The following SLC39A11 variants were observed in gnomAD, a reference collection of about 807,000 sequenced individuals.
SLC39A11 encodes zinc transporter ZIP11.
In SLC39A11, 33 loss-of-function variants were observed where a neutral mutation model predicts 36.1. That is an observed-to-expected ratio of 0.91 (90% CI 0.69 to 1.22). The LOEUF is 1.22. Ranked by LOEUF, SLC39A11 falls within the 50% of genes most tolerant of loss-of-function variation. The pLI, the probability that SLC39A11 is intolerant of heterozygous loss-of-function variation, is 0.00. For missense variants in SLC39A11, 432 were observed against 430.3 expected (o/e 1.00, Z -0.03); for synonymous variants, 166 against 170.3 (o/e 0.97, Z 0.20).
intron 5 of SLC39A11, among the ~76,000 whole-genome samples, chr17:72,911,890 C>A (rs1056720200): frequency 2.6e-5 from 4 of 152,136 alleles, no homozygotes; most frequent in African/African-American, 9.7e-5. Context: ...GTGATCTGCC[C>A]GCCTTGGCCT....
intron 5 of SLC39A11, among the ~76,000 whole-genome samples, chr17:72,851,502 G>A (rs561362986): frequency 1.3e-5 from 2 of 152,348 alleles, no homozygotes; most frequent in East Asian, 3.9e-4. Context: ...TCAGGTGTCT[G>A]TTAAATTAAA....
chr17:73,005,843 C>G (rs183008845), intron 4 of SLC39A11, among the ~76,000 whole-genome samples: 1 of 151,906 alleles, frequency 6.6e-6, no homozygotes, highest in Admixed American at 6.6e-5. Context: ...CCCAGCTACT[C>G]GGGAGTCTAA....
At chr17:72,828,498 T>TTG (rs2078126272) in intron 6 of SLC39A11, among the ~76,000 whole-genome samples, 2 of 152,182 alleles carry the variant, frequency 1.3e-5, no homozygotes, top group Admixed American at 1.3e-4. Flanking sequence ...AGAGGGGTAT[T>TTG]TGTCTCAAGC....
chr17:72,769,089 A>G (rs954998693), intron 6 of SLC39A11, among the ~76,000 whole-genome samples: 2 of 152,114 alleles, frequency 1.3e-5, no homozygotes, highest in African/African-American at 4.8e-5. Flanking sequence ...CACATTTAAC[A>G]AACGACTTCC....
intron 3 of SLC39A11, among the ~76,000 whole-genome samples, chr17:73,063,234 G>C (rs574151548): frequency 6.6e-6 from 1 of 152,172 alleles, no homozygotes; most frequent in Non-Finnish European, 1.5e-5. Context: ...GAAGGTAACT[G>C]AATCAATTGG....
intron 6 of SLC39A11, among the ~76,000 whole-genome samples, chr17:72,772,947 A>C (rs983829898): frequency 6.6e-6 from 1 of 152,190 alleles, no homozygotes; most frequent in Middle Eastern, 3.4e-3. Flanking sequence ...TTAGCTGGGC[A>C]TGGTGGCGAG....
chr17:72,756,050 C>T (rs1014387015), intron 6 of SLC39A11, among the ~76,000 whole-genome samples: 3 of 152,202 alleles, frequency 2.0e-5, no homozygotes, highest in Non-Finnish European at 4.4e-5. Flanking sequence ...AAAAACATAA[C>T]AGTGTTGGCA....
At chr17:73,029,643 A>G (rs1329484798) in intron 4 of SLC39A11, among the ~76,000 whole-genome samples, 2 of 151,408 alleles carry the variant, frequency 1.3e-5, no homozygotes, top group African/African-American at 4.9e-5. Flanking sequence ...GTGCAGTGGC[A>G]CCATCTCGGC....
chr17:73,013,451 A>G (rs2090635724), intron 4 of SLC39A11, among the ~76,000 whole-genome samples: 2 of 152,230 alleles, frequency 1.3e-5, no homozygotes, highest in African/African-American at 4.8e-5. Flanking sequence ...TTCTGTGTTC[A>G]ATCACAACCA....
chr17:73,055,343 G>A (rs1211526658), intron 3 of SLC39A11, among the ~76,000 whole-genome samples: 1 of 152,172 alleles, frequency 6.6e-6, no homozygotes, highest in African/African-American at 2.4e-5. Flanking sequence ...GTTTAAGCCT[G>A]AGGATGTCTG....
In SLC39A11 at chr17:72,815,311, G is replaced by A. The variant is rs1004590214; in HGVS notation, c.601+34323C>T. On this transcript the variant is annotated intron_variant, in intron 6 of 9. Coordinates refer to ENST00000255559, the MANE Select transcript of SLC39A11 (RefSeq NM_139177.4). ...TGTTATGATTTCACCCTACAGACTCGGAAAGCTCCAGAAAGAATGCAGGAG... is the reference window on the plus strand; with the variant it reads ...TGTTATGATTTCACCCTACAGACTCAGAAAGCTCCAGAAAGAATGCAGGAG... Among the ~76,000 whole-genome samples, 23 of 152,176 alleles carry A rather than the reference G, an allele frequency of 1.5e-4. 1 individual carries two copies. The highest frequency in any genetic ancestry group is 6.5e-4 in the Admixed American group (10 of 15,274).
chr17:73,045,947 G>A (rs965825169), intron 3 of SLC39A11, among the ~76,000 whole-genome samples: 4 of 152,112 alleles, frequency 2.6e-5, no homozygotes, highest in Non-Finnish European at 5.9e-5. Context: ...GATGGGCATC[G>A]CACCAGCTGC....
At chr17:72,763,392 C>G (rs1346403102) in intron 6 of SLC39A11, among the ~76,000 whole-genome samples, 1 of 152,210 alleles carries the variant, frequency 6.6e-6, no homozygotes, top group Admixed American at 6.5e-5. Context: ...AAATACTCTT[C>G]AAGACCCAGA....
chr17:72,786,556 A>G (rs959893179), intron 6 of SLC39A11, among the ~76,000 whole-genome samples: 41 of 152,218 alleles, frequency 2.7e-4, no homozygotes, highest in African/African-American at 9.6e-4. Flanking sequence ...AAAGCAGAAG[A>G]TATCTGGATG....
intron 7 of SLC39A11, among the ~76,000 whole-genome samples, chr17:72,735,160 A>AT (rs2074372072): frequency 6.6e-6 from 1 of 152,208 alleles, no homozygotes; most frequent in African/African-American, 2.4e-5. Context: ...GAAGTTGAGA[A>AT]TAAGAAAAGT....
At chr17:72,762,461 G>A (rs2075622214) in intron 6 of SLC39A11, among the ~76,000 whole-genome samples, 1 of 152,156 alleles carries the variant, frequency 6.6e-6, no homozygotes, top group Non-Finnish European at 1.5e-5. Context: ...TCAGTTCTGG[G>A]AATTGCCCAC....
intron 6 of SLC39A11, among the ~76,000 whole-genome samples, chr17:72,778,379 C>T (rs16977387): frequency 0.037 from 5,568 of 152,308 alleles, 323 homozygotes; most frequent in African/African-American, 0.12. Context: ...CTCTCCTGTT[C>T]GGCCGGCACA....
At chr17:73,031,776 C>T in intron 3 of SLC39A11, 62 bp from the exon 4 acceptor site, 2 of 1,558,174 alleles carry the variant, frequency 1.3e-6, no homozygotes, top group Admixed American at 1.8e-5. Context: ...CCAGGCAGGA[C>T]CTCAGTTGCT....
intron 7 of SLC39A11, among the ~76,000 whole-genome samples, chr17:72,650,756 C>T (rs1453310530): frequency 1.3e-5 from 2 of 152,184 alleles, no homozygotes; most frequent in African/African-American, 4.8e-5. Context: ...TCACGTCCAT[C>T]CATCTTGCTG....
Sources: allele counts gnomAD v4.1 joint callset (sites outside exome capture counted in the v4.1 genomes callset), GRCh38; gene constraint gnomAD v4.1.1; transcripts MANE v1.5; gene names NCBI Gene and HGNC (gene_info 2026-07-23, HGNC 2026-07-21).